Variants in SLC27A2 observed in about 807,000 individuals in gnomAD.
SLC27A2 encodes long-chain fatty acid transport protein 2.
SLC27A2 carries 54 observed loss-of-function variants against 60.0 expected under a neutral mutation model. The observed-to-expected ratio is 0.90, with a 90% CI of 0.72 to 1.13. The LOEUF (loss-of-function observed/expected upper bound fraction) is 1.13, where lower values mean the gene tolerates loss of function less well. SLC27A2 is among the 50% of genes most tolerant of loss of function. SLC27A2 has a pLI of 0.00. For missense variants in SLC27A2, 739 were observed against 777.6 expected, an observed-to-expected ratio of 0.95 and a Z score of 0.59; for synonymous variants, 297 against 297.6, an observed-to-expected ratio of 1.00 and a Z score of 0.02.
At chr15:50,208,997 C>T (rs1360802750) in intron 4 of SLC27A2, among the ~76,000 whole-genome samples, 3 of 152,114 alleles carry the variant, frequency 2.0e-5, no homozygotes, top group African/African-American at 7.2e-5. Flanking sequence ...ACTGAAGCTA[C>T]AGTCTGTACT....
At chr15:50,217,927 G>A (rs375802353) in intron 4 of SLC27A2, among the ~76,000 whole-genome samples, 19 of 151,956 alleles carry the variant, frequency 1.3e-4, no homozygotes, top group East Asian at 3.9e-4. Flanking sequence ...GGTGGTGGGC[G>A]CCAGTAATCC....
intron 4 of SLC27A2, among the ~76,000 whole-genome samples, chr15:50,212,086 A>AC (rs2045161792): frequency 6.6e-6 from 1 of 151,040 alleles, no homozygotes; most frequent in South Asian, 2.1e-4. Flanking sequence ...AAAAAAAAAA[A>AC]AAAAGTAAAT....
rs566292160 is a variant in SLC27A2 at position 50,185,728 on chromosome 15, C to A, written c.478+2823C>A. Among the ~76,000 whole-genome samples, 7 of 146,308 alleles carry A rather than the reference C, an allele frequency of 4.8e-5. No homozygotes were observed. The East Asian group carries it at 1.5e-3, about 31-fold the overall frequency. Reference sequence around the variant, plus strand: ...CACTGCAAGCTCCACCTCCCTGGTTCACGCCATTCTCCTGCCTCAGCTTCC... The same window carrying A: ...CACTGCAAGCTCCACCTCCCTGGTTAACGCCATTCTCCTGCCTCAGCTTCC... On this transcript the variant is annotated intron_variant, in intron 1 of 9. Transcript: ENST00000267842.
intron 1 of SLC27A2, among the ~76,000 whole-genome samples, chr15:50,192,076 A>C (rs2044978916): frequency 6.6e-6 from 1 of 152,110 alleles, no homozygotes; most frequent in Non-Finnish European, 1.5e-5. Context: ...AAAAAAAAGA[A>C]AAAAGAAAAT....
At chr15:50,194,381 A>G (rs568577238) in intron 1 of SLC27A2, among the ~76,000 whole-genome samples, 12 of 152,292 alleles carry the variant, frequency 7.9e-5, no homozygotes, top group African/African-American at 2.9e-4. Context: ...AGACGTGAGC[A>G]TACAGGTACC....
At chr15:50,221,843 G>C (rs1399453259) in intron 4 of SLC27A2, 1 of 152,388 alleles carries the variant, frequency 6.6e-6, no homozygotes, top group African/African-American at 2.4e-5. Context: ...ATTTCCTGGA[G>C]GACATAAATT....
intron 3 of SLC27A2, among the ~76,000 whole-genome samples, chr15:50,205,011 T>G (rs1307140843): frequency 6.6e-6 from 1 of 151,264 alleles, no homozygotes; most frequent in Non-Finnish European, 1.5e-5. Flanking sequence ...CAAGCTAACT[T>G]TTATTAAAAT....
At position 50,189,969 on chromosome 15, in the gene SLC27A2, T is replaced by G. The variant is rs2044960637; in HGVS notation, c.478+7064T>G. Reference sequence around the variant, plus strand: ...TAAAAATTAACATCAAGGAGATTACTACTTAATTACCTAAATGTAAAATGA... The same window carrying G: ...TAAAAATTAACATCAAGGAGATTACGACTTAATTACCTAAATGTAAAATGA... On this transcript the variant is annotated intron_variant, in intron 1 of 9. Coordinates refer to ENST00000267842, the MANE Select transcript of SLC27A2 (RefSeq NM_003645.4). Among the ~76,000 whole-genome samples, 5 of 152,242 alleles carry G rather than the reference T, an allele frequency of 3.3e-5. No homozygotes were observed. The South Asian group carries it at 1.0e-3, about 32-fold the overall frequency.
At chr15:50,209,138 G>C (rs1163981231) in intron 4 of SLC27A2, among the ~76,000 whole-genome samples, 1 of 152,170 alleles carries the variant, frequency 6.6e-6, no homozygotes, top group Non-Finnish European at 1.5e-5. Flanking sequence ...TTTGGAAGGA[G>C]AAATAATATT....
At chr15:50,228,376 C>CAAAAAAAA (rs71124333) in intron 7 of SLC27A2, among the ~76,000 whole-genome samples, 1 of 77,272 alleles carries the variant, frequency 1.3e-5, no homozygotes, top group Non-Finnish European at 2.3e-5. Context: ...GACTCTGCCT[C>CAAAAAAAA]AAAAAAAAAA....
intron 4 of SLC27A2, among the ~76,000 whole-genome samples, chr15:50,221,204 A>G (rs987731572): frequency 2.6e-5 from 4 of 151,784 alleles, no homozygotes; most frequent in Non-Finnish European, 4.4e-5. Context: ...CGAAAAAAAA[A>G]AGAGAGAGAG....
Position 50,229,014 on chromosome 15 carries a change from A to C in SLC27A2, c.1527A>C (p.Glu509Asp). 1 of 1,613,462 alleles carries C rather than the reference A, an allele frequency of 6.2e-7. No homozygotes were observed. The highest frequency in any genetic ancestry group is 8.5e-7 in the Non-Finnish European group (1 of 1,179,344). ...DTVGLVDFVQEVNVYGVHVPD... is the reference protein window; with the variant it reads ...DTVGLVDFVQDVNVYGVHVPD... ...TTGGACTGGTTGATTTTGTCCAAGA[A>C]GTAAATGTTTATGGAGTGCATGTGC... is the stretch of plus-strand genomic sequence containing the variant. Residue 509 changes from glutamate (E) to aspartate (D), a missense_variant, in exon 8 of 10, where the codon GAA becomes GAC. Transcript: ENST00000267842.
At chr15:50,208,584 A>G (rs921821849) in intron 4 of SLC27A2, among the ~76,000 whole-genome samples, 6 of 152,196 alleles carry the variant, frequency 3.9e-5, no homozygotes, top group African/African-American at 1.2e-4. Flanking sequence ...CATGCCTAAC[A>G]GTGTGTAGCT....
intron 1 of SLC27A2, among the ~76,000 whole-genome samples, chr15:50,189,600 G>C (rs2044957120): frequency 6.6e-6 from 1 of 152,212 alleles, no homozygotes; most frequent in Non-Finnish European, 1.5e-5. Context: ...CTAGCACTTT[G>C]CTGGCATATA....
At chr15:50,191,225 T>C (rs1398167592) in intron 1 of SLC27A2, 2 of 152,172 alleles carry the variant, frequency 1.3e-5, no homozygotes, top group Non-Finnish European at 2.9e-5. Context: ...AATGAAAATT[T>C]TAAATGTTTG....
intron 9 of SLC27A2, among the ~76,000 whole-genome samples, chr15:50,235,463 T>C (rs2045344950): frequency 6.6e-6 from 1 of 152,206 alleles, no homozygotes; most frequent in Non-Finnish European, 1.5e-5. Context: ...TATCTCATCC[T>C]TGGCAGGTCC....
intron 2 of SLC27A2, among the ~76,000 whole-genome samples, chr15:50,199,521 G>C (rs1049465401): frequency 9.2e-5 from 14 of 151,528 alleles, no homozygotes; most frequent in Non-Finnish European, 1.6e-4. Flanking sequence ...ACCCCTTTTA[G>C]GGAGAAAAAA....
chr15:50,193,363 C>T (rs546787371), intron 1 of SLC27A2, among the ~76,000 whole-genome samples: 1 of 152,268 alleles, frequency 6.6e-6, no homozygotes, highest in African/African-American at 2.4e-5. Context: ...ACAGGGAGAG[C>T]GTTTTGCTCA....
At position 50,225,978 on chromosome 15, in the gene SLC27A2, A is replaced by C. The variant is rs1302413432; in HGVS notation, c.1168-10A>C. 2 of 1,520,448 alleles carry C rather than the reference A, an allele frequency of 1.3e-6. No homozygotes were observed. Among genetic ancestry groups the C allele is most frequent in the Admixed American group, 3.4e-5 (2 of 58,012 alleles). 94.2% of individuals were successfully genotyped at this position (1,520,448 alleles called of 1,614,324 possible). On this transcript the variant is annotated splice_polypyrimidine_tract_variant and intron_variant, in intron 5 of 9. Transcript: ENST00000267842. ...AAGATTTATACTCAAAATTATTTTA[A>C]TCTTGCTAGAAAATCATAACTTATG...
Sources: gnomAD v4.1 joint callset for allele counts (sites outside exome capture counted in the v4.1 genomes callset) on GRCh38, gnomAD v4.1.1 for gene constraint, MANE v1.5 for transcripts, NCBI Gene and HGNC (gene_info 2026-07-23, HGNC 2026-07-21) for gene names.